The following SNTG2 variants were observed in gnomAD, a reference collection of about 807,000 sequenced individuals.
The protein encoded by SNTG2 is gamma-2-syntrophin.
In SNTG2, 74 loss-of-function variants were observed where a neutral mutation model predicts 70.9. That is an observed-to-expected ratio of 1.04 (90% CI 0.86 to 1.27). SNTG2 has a LOEUF of 1.27. Among genes scored for constraint, SNTG2 ranks in the 50% most tolerant of loss-of-function variants. The pLI, the probability that SNTG2 is intolerant of heterozygous loss-of-function variation, is 0.00. For synonymous variants in SNTG2, 278 were observed against 273.8 expected, an observed-to-expected ratio of 1.02 and a Z score of -0.15; for missense variants, 717 against 690.7, an observed-to-expected ratio of 1.04 and a Z score of -0.43.
intron 8 of SNTG2, among the ~76,000 whole-genome samples, chr2:1,190,884 T>C (rs533974680): frequency 6.6e-6 from 1 of 152,288 alleles, no homozygotes; most frequent in South Asian, 2.1e-4. Flanking sequence ...TATAAATTAG[T>C]GCAACCACTT....
chr2:1,340,231 T>TTA (rs1380478282), intron 16 of SNTG2, among the ~76,000 whole-genome samples: 1 of 152,258 alleles, frequency 6.6e-6, no homozygotes, highest in African/African-American at 2.4e-5. Flanking sequence ...TTTGGAGAAG[T>TTA]GACTTAAAGA....
At chr2:1,200,699 A>C (rs983435833) in intron 8 of SNTG2, among the ~76,000 whole-genome samples, 1 of 152,056 alleles carries the variant, frequency 6.6e-6, no homozygotes, top group Non-Finnish European at 1.5e-5. Flanking sequence ...TAATCCTATT[A>C]ATACTGGGCA....
At chr2:1,260,750 G>A (rs1678369632) in intron 13 of SNTG2, among the ~76,000 whole-genome samples, 1 of 152,162 alleles carries the variant, frequency 6.6e-6, no homozygotes, top group African/African-American at 2.4e-5. Flanking sequence ...TAGATGATAT[G>A]CAGGTCATTT....
At chr2:1,077,718 C>T (rs190305920) in intron 1 of SNTG2, among the ~76,000 whole-genome samples, 2 of 152,316 alleles carry the variant, frequency 1.3e-5, no homozygotes, top group African/African-American at 4.8e-5. Flanking sequence ...TATTTCCTCA[C>T]AGGTTTTTAT....
intron 1 of SNTG2, among the ~76,000 whole-genome samples, chr2:957,012 G>A (rs768005906): frequency 1.9e-4 from 29 of 152,312 alleles, no homozygotes; most frequent in Non-Finnish European, 4.0e-4. Context: ...CTTCTCTGCA[G>A]ATAATTATAT....
intron 9 of SNTG2, among the ~76,000 whole-genome samples, chr2:1,230,299 A>C (rs879926852): frequency 2.0e-5 from 3 of 152,246 alleles, no homozygotes; most frequent in Non-Finnish European, 2.9e-5. Flanking sequence ...TTTTATAAAC[A>C]GATGGCGCGG....
At chr2:1,363,936 G>A (rs1470894745) in intron 16 of SNTG2, among the ~76,000 whole-genome samples, 1 of 151,956 alleles carries the variant, frequency 6.6e-6, no homozygotes, top group African/African-American at 2.4e-5. Flanking sequence ...GAATTTAGTG[G>A]TGTGACCGAT....
chr2:1,277,211 T>C (rs914913003), intron 14 of SNTG2, among the ~76,000 whole-genome samples: 9 of 152,228 alleles, frequency 5.9e-5, no homozygotes, highest in African/African-American at 1.4e-4. Context: ...AGTTCTACCA[T>C]GGATAAAATT....
chr2:1,098,376 T>C lies in SNTG2; in HGVS notation c.291T>C (p.Pro97=), dbSNP rs775416556. 6.2e-7 allele frequency: 1 copy of C among 1,614,036 alleles called. No homozygotes were observed. Among genetic ancestry groups the C allele is most frequent in the Admixed American group, 1.7e-5 (1 of 60,030 alleles). ...SIKGGSEHNV[P]VVISKIFEDQ... is the part of the protein sequence containing the mutation. ...AGGGAGGTTCTGAGCACAACGTCCC[T>C]GTCGTCATATCAAAAATATTCGAAG... The change falls in exon 4 of 17, where the codon CCT becomes CCC. Residue 97 remains proline (P), a synonymous_variant. Transcript: ENST00000308624.
intron 16 of SNTG2, among the ~76,000 whole-genome samples, chr2:1,325,517 C>T (rs1017958584): frequency 2.0e-5 from 3 of 152,216 alleles, no homozygotes; most frequent in Non-Finnish European, 4.4e-5. Context: ...ATGAACACAT[C>T]AGTTTTGGTT....
At chr2:1,366,163 G>T (rs1486324283) in intron 16 of SNTG2, among the ~76,000 whole-genome samples, 3 of 148,998 alleles carry the variant, frequency 2.0e-5, no homozygotes, top group Non-Finnish European at 4.5e-5. Context: ...CAATCAATTA[G>T]CAGTCACCTC....
At chr2:1,263,931 C>T (rs1365073970) in intron 13 of SNTG2, among the ~76,000 whole-genome samples, 2 of 152,170 alleles carry the variant, frequency 1.3e-5, no homozygotes, top group Non-Finnish European at 2.9e-5. Context: ...TATTATAATA[C>T]ACAGCTGCCC....
chr2:965,182 T>C (rs1660499266), intron 1 of SNTG2, among the ~76,000 whole-genome samples: 1 of 90,732 alleles, frequency 1.1e-5, no homozygotes, highest in Admixed American at 1.3e-4. Flanking sequence ...CCAATCCTCC[T>C]CCTGGTCCCC....
chr2:1,207,354 G>C (rs559083185), intron 8 of SNTG2, among the ~76,000 whole-genome samples: 1 of 152,310 alleles, frequency 6.6e-6, no homozygotes, highest in Admixed American at 6.5e-5. Flanking sequence ...ATTGGCCATG[G>C]AATTAATAAA....
At chr2:1,211,311 AAT>A (rs1053847673) in intron 9 of SNTG2, among the ~76,000 whole-genome samples, 2 of 152,212 alleles carry the variant, frequency 1.3e-5, no homozygotes, top group Admixed American at 1.3e-4. Context: ...ATTTGAATTA[AAT>A]GGGTTTTTAG....
intron 12 of SNTG2, among the ~76,000 whole-genome samples, chr2:1,249,416 A>G (rs1224625641): frequency 6.6e-6 from 1 of 152,186 alleles, no homozygotes; most frequent in Non-Finnish European, 1.5e-5. Flanking sequence ...TGGATAATTT[A>G]TTTAAAATCC....
rs954775834 is a variant in SNTG2 at position 951,066 on chromosome 2, C to T, written c.70C>T (p.Arg24Trp). Reference sequence around the variant, plus strand: ...CCAGGGCTGCCTGCTGGTACCTGCGCGGGTGAGTGCGGCCCCTCAGCGCCC... The same window carrying T: ...CCAGGGCTGCCTGCTGGTACCTGCGTGGGTGAGTGCGGCCCCTCAGCGCCC... ...GRQGCLLVPARTKTTIALLYD... is the reference protein window; with the variant it reads ...GRQGCLLVPAWTKTTIALLYD... Residue 24 changes from arginine to tryptophan, a missense_variant and splice_region_variant, in exon 1 of 17, where the codon CGG (arginine) becomes TGG (tryptophan). Physicochemically the swap from Arg to Trp is moderately radical, Grantham distance 101. Transcript: ENST00000308624. 6 of 1,261,622 alleles carry T rather than the reference C, an allele frequency of 4.8e-6. No homozygotes were observed. In the African/African-American group the frequency reaches 6.2e-5, roughly 13 times the overall value. 78.2% of individuals were successfully genotyped at this position (1,261,622 alleles called of 1,614,324 possible). A position where few individuals can be genotyped will look rare whatever the true frequency, so the allele number is the denominator to read the frequency against.
chr2:982,751 G>A (rs1030450384), intron 1 of SNTG2, among the ~76,000 whole-genome samples: 2 of 152,172 alleles, frequency 1.3e-5, no homozygotes, highest in East Asian at 1.9e-4. Flanking sequence ...TCAGCACCTC[G>A]GGTTAGTATT....
chr2:1,224,337 CA>C (rs1467741929), intron 9 of SNTG2, among the ~76,000 whole-genome samples: 1 of 152,204 alleles, frequency 6.6e-6, no homozygotes. Flanking sequence ...TCACACTCTT[CA>C]AAAACTGGAT....
Sources: allele counts gnomAD v4.1 joint callset (sites outside exome capture counted in the v4.1 genomes callset), GRCh38; gene constraint gnomAD v4.1.1; transcripts MANE v1.5; gene names NCBI Gene and HGNC (gene_info 2026-07-23, HGNC 2026-07-21).